CNTNAP2: variants seen among roughly 807,000 people sequenced by gnomAD.
CNTNAP2 encodes contactin-associated protein-like 2.
A neutral mutation model predicts 155.2 loss-of-function variants in CNTNAP2; 98 were observed. The observed-to-expected ratio is 0.63, with a 90% CI of 0.54 to 0.75. The LOEUF is 0.75. Among genes scored for constraint, CNTNAP2 ranks in the 30% least tolerant of loss-of-function variants. CNTNAP2 has a pLI of 0.00. For missense variants in CNTNAP2, 1,727 were observed against 1,688.1 expected (o/e 1.02, Z -0.40); for synonymous variants, 651 against 631.2 (o/e 1.03, Z -0.47).
At chr7:147,781,284 G>T (rs12113621) in intron 13 of CNTNAP2, among the ~76,000 whole-genome samples, 7,051 of 152,182 alleles carry the variant, frequency 0.046, 507 homozygotes, top group African/African-American at 0.16. Flanking sequence ...TTGTAGAAAG[G>T]TAGCTGGACA....
intron 10 of CNTNAP2, among the ~76,000 whole-genome samples, chr7:147,414,036 C>G (rs2116493463): frequency 6.6e-6 from 1 of 152,296 alleles, no homozygotes; most frequent in Admixed American, 6.5e-5. Context: ...ACTTCTGTTT[C>G]TCACTTGTAT....
At position 147,876,244 on chromosome 7, in the gene CNTNAP2, G is replaced by A. The variant is rs1236620827; in HGVS notation, c.2099-27321G>A. Among the ~76,000 whole-genome samples the A allele has an allele frequency of 2.0e-5, 3 of 152,164 alleles. No individual in the cohort carries two copies. In the South Asian group the frequency reaches 6.2e-4, roughly 32 times the overall value. On this transcript the variant is annotated intron_variant, in intron 13 of 23. Coordinates refer to ENST00000361727, the MANE Select transcript of CNTNAP2 (RefSeq NM_014141.6). ...CATCTTTATTTCACTCTTCTTTGGT[G>A]TCTCCTTTGCTTACTGACATGTATT...
chr7:146,567,768 T>C (rs533579257), intron 1 of CNTNAP2, among the ~76,000 whole-genome samples: 131 of 152,258 alleles, frequency 8.6e-4, no homozygotes, highest in Non-Finnish European at 1.6e-3. Context: ...TCTCCCAGGC[T>C]GGAGTGCAGT....
chr7:147,288,709 T>C (rs1805236844), intron 8 of CNTNAP2, among the ~76,000 whole-genome samples: 5 of 152,238 alleles, frequency 3.3e-5, no homozygotes, highest in Admixed American at 3.3e-4. Flanking sequence ...GAATATTTTC[T>C]CTGTTATACT....
chr7:146,533,977 T>C (rs1237239146), intron 1 of CNTNAP2, among the ~76,000 whole-genome samples: 1 of 152,134 alleles, frequency 6.6e-6, no homozygotes, highest in African/African-American at 2.4e-5. Flanking sequence ...AAAAATAGTC[T>C]ATGTAAAATT....
At chr7:146,184,716 G>T (rs1798598417) in intron 1 of CNTNAP2, among the ~76,000 whole-genome samples, 3 of 152,094 alleles carry the variant, frequency 2.0e-5, no homozygotes, top group Admixed American at 2.0e-4. Context: ...AAATGCGTGT[G>T]GCTCAAAGGA....
chr7:146,129,480 C>T (rs1232364247), intron 1 of CNTNAP2, among the ~76,000 whole-genome samples: 4 of 152,132 alleles, frequency 2.6e-5, no homozygotes, highest in African/African-American at 9.7e-5. Flanking sequence ...GCTACTCAAG[C>T]ATTTCCTTCC....
At chr7:148,289,494 C>T (rs990571685) in intron 21 of CNTNAP2, among the ~76,000 whole-genome samples, 3 of 150,178 alleles carry the variant, frequency 2.0e-5, no homozygotes, top group Non-Finnish European at 4.4e-5. Context: ...GACCAATAAA[C>T]ACCAACTTAC....
At chr7:148,215,498 A>G (rs1284734115) in intron 18 of CNTNAP2, among the ~76,000 whole-genome samples, 1 of 131,398 alleles carries the variant, frequency 7.6e-6, no homozygotes, top group Non-Finnish European at 1.6e-5. Flanking sequence ...CCCCAGCTCC[A>G]TTTCTCAGGG....
chr7:148,238,923 A>C (rs1122622), intron 20 of CNTNAP2, among the ~76,000 whole-genome samples: 1,581 of 152,330 alleles, frequency 0.01, 14 homozygotes, highest in Non-Finnish European at 0.015. Flanking sequence ...ACTCCTAAAA[A>C]TTTTACTATC....
intron 4 of CNTNAP2, among the ~76,000 whole-genome samples, chr7:147,073,204 T>C (rs1484723540): frequency 2.7e-5 from 4 of 146,422 alleles, no homozygotes; most frequent in African/African-American, 1.1e-4. Context: ...ATGTGGTACA[T>C]ATATTCCACA....
At chr7:146,635,267 A>T (rs746958765) in intron 1 of CNTNAP2, among the ~76,000 whole-genome samples, 1 of 152,202 alleles carries the variant, frequency 6.6e-6, no homozygotes, top group Non-Finnish European at 1.5e-5. Context: ...TTAATGGAAG[A>T]TTCCATATTG....
At position 148,204,700 on chromosome 7, in the gene CNTNAP2, G is replaced by A. The variant is rs146983643; in HGVS notation, c.3011-12588G>A. ...TCAGTGGTTCCTGGTATCTCATTTC[G>A]TTTTTAATTCCCAAAGCAGGAGCTA... On this transcript the variant is annotated intron_variant, in intron 18 of 23. Coordinates refer to ENST00000361727, the MANE Select transcript of CNTNAP2 (RefSeq NM_014141.6). Among the ~76,000 whole-genome samples the A allele has an allele frequency of 1.9e-3, 294 of 152,218 alleles. 2 individuals carry two copies. Among genetic ancestry groups the A allele is most frequent in the African/African-American group, 6.7e-3 (277 of 41,524 alleles).
intron 13 of CNTNAP2, among the ~76,000 whole-genome samples, chr7:147,728,420 T>C (rs974513430): frequency 3.9e-5 from 6 of 152,092 alleles, no homozygotes; most frequent in African/African-American, 1.4e-4. Context: ...CTTAAAGTTG[T>C]GAAGAGAAAA....
intron 8 of CNTNAP2, among the ~76,000 whole-genome samples, chr7:147,174,977 G>T (rs905302887): frequency 1.3e-5 from 2 of 151,930 alleles, no homozygotes; most frequent in Non-Finnish European, 2.9e-5. Context: ...CAACCATACC[G>T]CCGACTCCAT....
intron 3 of CNTNAP2, among the ~76,000 whole-genome samples, chr7:147,001,030 C>T (rs768177323): frequency 6.6e-6 from 1 of 152,014 alleles, no homozygotes; most frequent in African/African-American, 2.4e-5. Context: ...GTATTTGTGT[C>T]CAAGGCAAAG....
intron 1 of CNTNAP2, among the ~76,000 whole-genome samples, chr7:146,531,772 T>C (rs910902212): frequency 1.1e-4 from 16 of 152,120 alleles, no homozygotes; most frequent in African/African-American, 3.9e-4. Flanking sequence ...TTCGAACTCC[T>C]GACCTCAGAT....
At position 147,826,445 on chromosome 7, in the gene CNTNAP2, T is replaced by C. The variant is rs368600130; in HGVS notation, c.2099-77120T>C. Among the ~76,000 whole-genome samples the C allele has an allele frequency of 3.2e-4, 49 of 152,304 alleles. 1 individual carries two copies. The highest frequency in any genetic ancestry group is 1.0e-3 in the African/African-American group (42 of 41,578). ...TTTGACTTAAAGATTGGCTTATGTC[T>C]CAATCAATCAATTTGATGGTGACCA... On this transcript the variant is annotated intron_variant, in intron 13 of 23. Coordinates refer to ENST00000361727, the MANE Select transcript of CNTNAP2 (RefSeq NM_014141.6).
chr7:146,379,015 G>A (rs1033651698), intron 1 of CNTNAP2, among the ~76,000 whole-genome samples: 5 of 152,212 alleles, frequency 3.3e-5, no homozygotes, highest in African/African-American at 4.8e-5. Flanking sequence ...CCTGCTCTTC[G>A]CAGAGATTGT....
Sources: allele counts gnomAD v4.1 joint callset (sites outside exome capture counted in the v4.1 genomes callset), GRCh38; gene constraint gnomAD v4.1.1; transcripts MANE v1.5; gene names NCBI Gene and HGNC (gene_info 2026-07-23, HGNC 2026-07-21).